Variants in CHRNB3 observed in about 807,000 individuals in gnomAD.
CHRNB3 encodes cholinergic receptor nicotinic beta 3 subunit, also known as neuronal acetylcholine receptor subunit beta-3.
In CHRNB3, 37 loss-of-function variants were observed where a neutral mutation model predicts 40.6. The ratio of observed to expected loss-of-function variants is 0.91; its 90% confidence interval spans 0.70 to 1.20. The LOEUF (loss-of-function observed/expected upper bound fraction) is 1.20, where lower values mean the gene tolerates loss of function less well. Ranked by LOEUF, CHRNB3 falls within the 50% of genes most tolerant of loss-of-function variation. CHRNB3 has a pLI of 0.00. For synonymous variants in CHRNB3, 207 were observed against 207.1 expected, an observed-to-expected ratio of 1.00 and a Z score of 0.00; for missense variants, 505 against 551.2, an observed-to-expected ratio of 0.92 and a Z score of 0.84.
chr8:42,697,595 T>C lies in CHRNB3; in HGVS notation c.49T>C (p.Ser17Pro). Reference sequence around the variant, plus strand: ...TCTCATCGTCCTTGGCATCCCTTCCTCAGGTAAGCACAAGTCACAGTAAAT... The same window carrying C: ...TCTCATCGTCCTTGGCATCCCTTCCCCAGGTAAGCACAAGTCACAGTAAAT... The part of the protein sequence containing the change: ...LVLIVLGIPS[S>P]ATTGFNSIAE... Residue 17 changes from serine (S) to proline (P), a missense_variant, in exon 1 of 6, where the codon TCA becomes CCA. Ser to Pro is a moderately conservative substitution (Grantham distance 74). Transcript: ENST00000289957. 1 of 1,612,788 alleles carries C rather than the reference T, an allele frequency of 6.2e-7. No individual in the cohort carries two copies. The highest frequency in any genetic ancestry group is 8.5e-7 in the Non-Finnish European group (1 of 1,178,822).
At chr8:42,713,339 A>G (rs546768394) in intron 3 of CHRNB3, among the ~76,000 whole-genome samples, 3 of 152,098 alleles carry the variant, frequency 2.0e-5, no homozygotes, top group Non-Finnish European at 2.9e-5. Context: ...AGGACTTCCC[A>G]CAAAGTGTGC....
At chr8:42,704,780 T>C (rs928322618) in intron 1 of CHRNB3, among the ~76,000 whole-genome samples, 1 of 152,128 alleles carries the variant, frequency 6.6e-6, no homozygotes, top group African/African-American at 2.4e-5. Flanking sequence ...GATGGTGTCT[T>C]CAGTAATTTG....
intron 3 of CHRNB3, among the ~76,000 whole-genome samples, chr8:42,712,756 C>G (rs1816038047): frequency 6.6e-6 from 1 of 152,006 alleles, no homozygotes; most frequent in Non-Finnish European, 1.5e-5. Flanking sequence ...GAGAAAAGAA[C>G]CCACACTTTC....
At chr8:42,697,671 TTGA>T in intron 1 of CHRNB3, 73 bp downstream of exon 1, 2 of 1,114,846 alleles carry the variant, frequency 1.8e-6, no homozygotes, top group South Asian at 2.5e-5. Flanking sequence ...AACTATGGTG[TTGA>T]TAATGTTAGA....
At chr8:42,711,972 A>C (rs1230581693) in intron 3 of CHRNB3, among the ~76,000 whole-genome samples, 6 of 151,528 alleles carry the variant, frequency 4.0e-5, no homozygotes, top group African/African-American at 1.5e-4. Flanking sequence ...TGATTTTCTA[A>C]AGTTTTTTGT....
chr8:42,736,076 GCTCGTCTCGAA>G (rs1266995189), intron 5 of CHRNB3, among the ~76,000 whole-genome samples: 1 of 152,052 alleles, frequency 6.6e-6, no homozygotes, highest in Non-Finnish European at 1.5e-5. Context: ...ATGTTGGCCA[GCTCGTCTCGAA>G]CTCCTGACCT....
chr8:42,726,026 C>T lies in CHRNB3; in HGVS notation c.250-4568C>T, dbSNP rs577093253. The T allele has an allele frequency of 3.2e-5, 32 of 989,662 alleles. No individual in the cohort carries two copies. The East Asian group carries it at 5.2e-4, about 16-fold the overall frequency. The allele number at this position is 989,662 out of a possible 1,614,324, so 61.3% of individuals were successfully genotyped here. On this transcript the variant is annotated intron_variant, in intron 3 of 5. Coordinates refer to ENST00000289957, the MANE Select transcript of CHRNB3 (RefSeq NM_000749.5). ...TGGTTTCACTTCTAGTCGTCTGAGACGTACCTTGTCACGTTTCTGTCACCA... is the reference window on the plus strand; with the variant it reads ...TGGTTTCACTTCTAGTCGTCTGAGATGTACCTTGTCACGTTTCTGTCACCA...
chr8:42,705,381 A>AC (rs1815904861), intron 1 of CHRNB3, among the ~76,000 whole-genome samples: 1 of 152,108 alleles, frequency 6.6e-6, no homozygotes, highest in African/African-American at 2.4e-5. Context: ...TGGAAATTTG[A>AC]CCCCCAACGC....
At chr8:42,721,530 C>A (rs1382119796) in intron 3 of CHRNB3, among the ~76,000 whole-genome samples, 1 of 152,038 alleles carries the variant, frequency 6.6e-6, no homozygotes, top group Non-Finnish European at 1.5e-5. Context: ...TGCAGACCAG[C>A]CTGGGCAATG....
At chr8:42,700,908 C>T (rs906862588) in intron 1 of CHRNB3, among the ~76,000 whole-genome samples, 2 of 151,908 alleles carry the variant, frequency 1.3e-5, no homozygotes, top group Non-Finnish European at 1.5e-5. Flanking sequence ...AGAGCAGGGG[C>T]GTCTGAGAGA....
rs58800727 is a variant in CHRNB3, at chr8:42,701,226, C to CAA, written c.52+3646_52+3647dup. Among the ~76,000 whole-genome samples, 5 of 71,458 alleles carry CAA rather than the reference C, an allele frequency of 7.0e-5. 1 individual carries two copies. The highest frequency in any genetic ancestry group is 1.4e-4 in the Non-Finnish European group (5 of 36,604). The allele number at this position is 71,458 out of a possible 152,430, so 46.9% of individuals were successfully genotyped here. ...CTGGCGACAGAGCGAGACTCTGTCT[C>CAA]AAAAAAAAAAAAAAAAAAAGAATAA... On this transcript the variant is annotated intron_variant, in intron 1 of 5. Coordinates refer to ENST00000289957, the MANE Select transcript of CHRNB3 (RefSeq NM_000749.5).
chr8:42,728,695 T>C (rs1391501880), intron 3 of CHRNB3, among the ~76,000 whole-genome samples: 1 of 152,080 alleles, frequency 6.6e-6, no homozygotes, highest in Non-Finnish European at 1.5e-5. Context: ...GGGCTGGAAA[T>C]GCAGGAGGGG....
At position 42,732,395 on chromosome 8, in the gene CHRNB3, A is replaced by G; in HGVS notation, c.1088A>G (p.Glu363Gly). 6.2e-7 allele frequency: 1 copy of G among 1,614,022 alleles called. No individual in the cohort carries two copies. Among genetic ancestry groups the G allele is most frequent in the Non-Finnish European group, 8.5e-7 (1 of 1,180,000 alleles). ...VDRYSSPEKE[E>G]SQPVVKGKVL... ...CGCTACTCATCCCCAGAGAAAGAGGAGAGTCAACCAGTAGTGAAAGGCAAA... is the reference window on the plus strand; with the variant it reads ...CGCTACTCATCCCCAGAGAAAGAGGGGAGTCAACCAGTAGTGAAAGGCAAA... Residue 363 changes from glutamate to glycine, a missense_variant, in exon 5 of 6, where the codon GAG (glutamate) becomes GGG (glycine). Glu to Gly is a moderately conservative substitution (Grantham distance 98). Coordinates refer to ENST00000289957, the MANE Select transcript of CHRNB3 (RefSeq NM_000749.5).
intron 2 of CHRNB3, among the ~76,000 whole-genome samples, chr8:42,709,660 ACT>A (rs772535827): frequency 7.2e-5 from 11 of 152,046 alleles, no homozygotes; most frequent in African/African-American, 2.4e-4. Context: ...TGAGACAGAG[ACT>A]CTGTTTCACA....
chr8:42,707,553 CT>C (rs955241765), intron 1 of CHRNB3, among the ~76,000 whole-genome samples: 4 of 152,048 alleles, frequency 2.6e-5, no homozygotes, highest in African/African-American at 9.7e-5. Flanking sequence ...ACCCTGTCTT[CT>C]TTTTTTAAAA....
At chr8:42,718,110 G>A (rs1002635452) in intron 3 of CHRNB3, among the ~76,000 whole-genome samples, 1 of 151,968 alleles carries the variant, frequency 6.6e-6, no homozygotes, top group Non-Finnish European at 1.5e-5. Context: ...GATTATAGGG[G>A]TGAGCCACCA....
intron 1 of CHRNB3, chr8:42,705,663 CT>C (rs1208056467): frequency 6.6e-6 from 1 of 152,208 alleles, no homozygotes; most frequent in Non-Finnish European, 1.5e-5. Flanking sequence ...TTGTGGTATC[CT>C]GTTGTAGCAG....
At chr8:42,735,446 G>A (rs1329656225) in intron 5 of CHRNB3, among the ~76,000 whole-genome samples, 1 of 152,150 alleles carries the variant, frequency 6.6e-6, no homozygotes, top group Non-Finnish European at 1.5e-5. Flanking sequence ...GCTGAGGCAG[G>A]AGAACCACTT....
chr8:42,733,561 C>T (rs977665687), intron 5 of CHRNB3, among the ~76,000 whole-genome samples: 1 of 150,800 alleles, frequency 6.6e-6, no homozygotes, highest in Admixed American at 6.6e-5. Context: ...TGTGAATTCT[C>T]GCCTTTCTAA....
Sources: allele counts gnomAD v4.1 joint callset (sites outside exome capture counted in the v4.1 genomes callset), GRCh38; gene constraint gnomAD v4.1.1; transcripts MANE v1.5; gene names NCBI Gene and HGNC (gene_info 2026-07-23, HGNC 2026-07-21).